NNMT: variants seen among roughly 807,000 people sequenced by gnomAD.
NNMT encodes nicotinamide N-methyltransferase.
NNMT carries 10 observed loss-of-function variants against 11.7 expected under a neutral mutation model. That is an observed-to-expected ratio of 0.85 (90% CI 0.53 to 1.45). NNMT has a LOEUF of 1.45. Among genes scored for constraint, NNMT ranks in the 40% most tolerant of loss-of-function variants. The pLI is 0.00. For missense variants in NNMT, 381 were observed against 319.4 expected, an observed-to-expected ratio of 1.19 and a Z score of -1.47; for synonymous variants, 143 against 133.8, an observed-to-expected ratio of 1.07 and a Z score of -0.48.
chr11:114,264,287 C>T (rs777614225), intron 2 of NNMT, among the ~76,000 whole-genome samples: 2 of 152,094 alleles, frequency 1.3e-5, no homozygotes, highest in Non-Finnish European at 2.9e-5. Context: ...AGAGAGCTGT[C>T]TGCAGACACT....
intron 2 of NNMT, 92 bp downstream of exon 2, chr11:114,298,250 C>A: frequency 9.4e-7 from 1 of 1,068,874 alleles, no homozygotes; most frequent in Non-Finnish European, 1.4e-6. Flanking sequence ...AAGAGAAATC[C>A]AAATGGAGAA....
intron 1 of NNMT, among the ~76,000 whole-genome samples, chr11:114,297,581 A>T (rs1945394644): frequency 6.7e-6 from 1 of 149,404 alleles, no homozygotes; most frequent in Admixed American, 6.7e-5. Context: ...GAACTCCTGG[A>T]CTCAAGGGAT....
At chr11:114,288,099 G>A (rs1042397065) in intron 2 of NNMT, among the ~76,000 whole-genome samples, 1 of 152,110 alleles carries the variant, frequency 6.6e-6, no homozygotes, top group South Asian at 2.1e-4. Flanking sequence ...TTGCTAAACT[G>A]TTATATTGTA....
chr11:114,266,804 A>G (rs1045659693), intron 2 of NNMT, among the ~76,000 whole-genome samples: 1 of 152,240 alleles, frequency 6.6e-6, no homozygotes, highest in Non-Finnish European at 1.5e-5. Context: ...TTGCCATGCA[A>G]TTCTTTCACC....
At chr11:114,260,728 G>A (rs1945072367) in intron 1 of NNMT, among the ~76,000 whole-genome samples, 1 of 152,214 alleles carries the variant, frequency 6.6e-6, no homozygotes. Context: ...CCATCAGGGT[G>A]CAGCATACGG....
chr11:114,292,720 C>T (rs1178151198), upstream of NNMT, among the ~76,000 whole-genome samples: 6 of 151,980 alleles, frequency 3.9e-5, no homozygotes, highest in East Asian at 1.9e-4. Flanking sequence ...TACAAGGAAA[C>T]AGATTCCTAT....
chr11:114,309,217 C>T (rs886687332), intron 2 of NNMT, among the ~76,000 whole-genome samples: 1 of 152,168 alleles, frequency 6.6e-6, no homozygotes, highest in East Asian at 1.9e-4. Flanking sequence ...ATTAGTTTGT[C>T]TATTCAAATA....
chr11:114,305,038 G>C (rs1463597920), intron 2 of NNMT, among the ~76,000 whole-genome samples: 1 of 152,230 alleles, frequency 6.6e-6, no homozygotes, highest in Non-Finnish European at 1.5e-5. Context: ...GCTTAGGCTT[G>C]TGGTCCCTGG....
At chr11:114,258,129 C>T (rs1413207706) in intron 1 of NNMT, among the ~76,000 whole-genome samples, 1 of 152,328 alleles carries the variant, frequency 6.6e-6, no homozygotes, top group Middle Eastern at 3.4e-3. Flanking sequence ...TGGGCAGCCT[C>T]CTCCAGAACA....
intron 2 of NNMT, among the ~76,000 whole-genome samples, chr11:114,288,632 G>T (rs1345839961): frequency 3.3e-5 from 5 of 152,050 alleles, no homozygotes; most frequent in African/African-American, 1.2e-4. Flanking sequence ...CTAAAACTTG[G>T]CTATACCACT....
At chr11:114,259,746 C>G (rs1945061688) in intron 1 of NNMT, among the ~76,000 whole-genome samples, 1 of 152,200 alleles carries the variant, frequency 6.6e-6, no homozygotes, top group African/African-American at 2.4e-5. Context: ...CAGCCCCCTG[C>G]AGCGCTAATT....
At chr11:114,298,280 G>T in intron 2 of NNMT, 122 bp downstream of exon 2, 1 of 772,250 alleles carries the variant, frequency 1.3e-6, no homozygotes, top group South Asian at 1.8e-5. Context: ...ACGAGAGAGC[G>T]AGAGCAAGAG....
At chr11:114,259,704 C>G (rs1385396121) in intron 1 of NNMT, among the ~76,000 whole-genome samples, 2 of 81,526 alleles carry the variant, frequency 2.5e-5, no homozygotes, top group African/African-American at 8.8e-5. Flanking sequence ...TGAAAGTGAA[C>G]TCGCTCATTT....
At chr11:114,295,851 C>G (rs557336929), upstream of NNMT, 1 of 152,340 alleles carries the variant, frequency 6.6e-6, no homozygotes, top group East Asian at 1.9e-4. Flanking sequence ...TGGCAGTGGT[C>G]GGTGAAGCTG....
chr11:114,283,169 G>A (rs968782655), intron 2 of NNMT, among the ~76,000 whole-genome samples: 19 of 152,082 alleles, frequency 1.2e-4, no homozygotes, highest in Non-Finnish European at 2.5e-4. Context: ...TCTACTACTG[G>A]GAATGCCCCC....
chr11:114,279,550 G>C (rs576581406), intron 2 of NNMT, among the ~76,000 whole-genome samples: 2 of 152,310 alleles, frequency 1.3e-5, no homozygotes, highest in African/African-American at 4.8e-5. Flanking sequence ...TGGGACTAGA[G>C]GCTGAGTGTT....
At chr11:114,279,786 G>T (rs766753480) in intron 2 of NNMT, among the ~76,000 whole-genome samples, 48 of 152,156 alleles carry the variant, frequency 3.2e-4, no homozygotes, top group Non-Finnish European at 2.2e-4. Flanking sequence ...TTTTGCCCTC[G>T]CTGGGCTTGC....
intron 1 of NNMT, among the ~76,000 whole-genome samples, chr11:114,259,351 G>GA: frequency 6.6e-6 from 1 of 150,382 alleles, no homozygotes; most frequent in Middle Eastern, 3.4e-3. Context: ...GCCCAGTGGG[G>GA]GGGGGGGAGC....
intron 2 of NNMT, among the ~76,000 whole-genome samples, chr11:114,284,764 CTTTTT>C (rs11415162): frequency 3.3e-5 from 3 of 90,354 alleles, no homozygotes; most frequent in Admixed American, 3.2e-4. Context: ...ACCCGGCCAT[CTTTTT>C]TTTTTTTTTT....
Sources: allele counts gnomAD v4.1 joint callset (sites outside exome capture counted in the v4.1 genomes callset), GRCh38; gene constraint gnomAD v4.1.1; transcripts MANE v1.5; gene names NCBI Gene and HGNC (gene_info 2026-07-23, HGNC 2026-07-21).